DEFB134: variants seen among roughly 807,000 people sequenced by gnomAD.
DEFB134 encodes defensin beta 134, also known as beta-defensin 134.
Under a neutral mutation model 7.4 loss-of-function variants are expected in DEFB134, and 7 were observed. The ratio of observed to expected loss-of-function variants is 0.95; its 90% CI spans 0.54 to 1.79. The LOEUF (loss-of-function observed/expected upper bound fraction) is 1.79, where lower values mean the gene tolerates loss of function less well. Among genes scored for constraint, DEFB134 ranks in the 40% most tolerant of loss-of-function variants. The pLI is 0.00. For synonymous variants in DEFB134, 33 were observed against 25.0 expected (o/e 1.32, Z -0.96); for missense variants, 105 against 74.8 (o/e 1.40, Z -1.49).
exon 2 of DEFB134, chr8:11,993,339 T>C (rs941468848): frequency 8.5e-5 from 13 of 152,234 alleles, no homozygotes; most frequent in African/African-American, 2.9e-4. Context: ...GACGGCAGTC[T>C]TATAGCCTGT....
At position 11,993,814 on chromosome 8, in the gene DEFB134, G is replaced by T. The variant is rs946637185; in HGVS notation, c.*166C>A. 4.5e-6 allele frequency: 4 copies of T among 882,140 alleles called. No individual in the cohort carries two copies. In the East Asian group the frequency reaches 8.7e-5, roughly 19 times the overall value. The allele number at this position is 882,140 out of a possible 1,614,324, so 54.6% of individuals were successfully genotyped here. On this transcript the variant is annotated 3_prime_UTR_variant, in exon 2 of 2. Coordinates refer to ENST00000526438, the Ensembl canonical transcript of DEFB134. ...CTCTTTTAAAGAAGGCTACAGCTCA[G>T]CTCTTTAAATTTAAGACCACAAGAG...
At chr8:11,997,361 T>C (rs1800153595), upstream of DEFB134, among the ~76,000 whole-genome samples, 1 of 152,234 alleles carries the variant, frequency 6.6e-6, no homozygotes, top group East Asian at 1.9e-4. Context: ...CTATTGAAAA[T>C]AAAGCTGCTA....
At chr8:11,994,285 AC>A (rs1022168327) in intron 1 of DEFB134, among the ~76,000 whole-genome samples, 163 bp from the exon 3 acceptor site, 1 of 152,122 alleles carries the variant, frequency 6.6e-6, no homozygotes, top group Non-Finnish European at 1.5e-5. Flanking sequence ...GAATTGTGTC[AC>A]CCCAAAATTC....
exon 2 of DEFB134, chr8:11,993,816 T>G (rs1800042156): frequency 1.1e-6 from 1 of 897,858 alleles, no homozygotes; most frequent in Non-Finnish European, 1.6e-6. Context: ...ACAGCTCAGC[T>G]CTTTAAATTT....
chr8:12,000,272 C>T (rs1430834218), upstream of DEFB134, among the ~76,000 whole-genome samples: 1 of 151,966 alleles, frequency 6.6e-6, no homozygotes, highest in Non-Finnish European at 1.5e-5. Flanking sequence ...GTTACTATAT[C>T]AATTATTTGT....
chr8:11,996,184 C>A lies in DEFB134; in HGVS notation c.58+10G>T. Reference sequence around the variant, plus strand: ...AAGCACCCCTACCCCCCAAAATATGCCAGTTTTACCTGCCAGCACTGGATC... The same window carrying A: ...AAGCACCCCTACCCCCCAAAATATGACAGTTTTACCTGCCAGCACTGGATC... On this transcript the variant is annotated intron_variant, in intron 1 of 1. Transcript: ENST00000526438. The A allele has an allele frequency of 6.2e-7, 1 of 1,613,346 alleles. No individual in the cohort carries two copies. The highest frequency in any genetic ancestry group is 8.5e-7 in the Non-Finnish European group (1 of 1,179,524).
chr8:11,998,452 A>AAAAAAAAT (rs1192272375), upstream of DEFB134, among the ~76,000 whole-genome samples: 31 of 2,112 alleles, frequency 0.015, no homozygotes, highest in African/African-American at 0.066. Context: ...CGCTGTCTTA[A>AAAAAAAAT]AAAAAAAATA....
At chr8:11,997,441 G>C (rs1800156885), upstream of DEFB134, among the ~76,000 whole-genome samples, 1 of 152,178 alleles carries the variant, frequency 6.6e-6, no homozygotes, top group East Asian at 1.9e-4. Context: ...TTCAGGAGTA[G>C]AAAGGCTGGG....
intron 1 of DEFB134, among the ~76,000 whole-genome samples, 157 bp downstream of exon 2, chr8:11,996,037 G>T (rs1053165733): frequency 6.6e-6 from 1 of 151,578 alleles, no homozygotes; most frequent in African/African-American, 2.4e-5. Flanking sequence ...TGGACAGCCA[G>T]ATTCAAGCCC....
At chr8:11,998,641 A>C (rs1800188636), upstream of DEFB134, among the ~76,000 whole-genome samples, 1 of 152,094 alleles carries the variant, frequency 6.6e-6, no homozygotes, top group South Asian at 2.1e-4. Context: ...AGAACTAAAA[A>C]AACAAGAGCA....
At chr8:12,000,388 A>G (rs568187760), upstream of DEFB134, among the ~76,000 whole-genome samples, 6 of 152,328 alleles carry the variant, frequency 3.9e-5, no homozygotes, top group East Asian at 7.7e-4. Flanking sequence ...TGCCAAAGGT[A>G]TATTTGTTGA....
chr8:11,994,489 T>C (rs12542040), intron 1 of DEFB134, among the ~76,000 whole-genome samples: 87,935 of 151,964 alleles, frequency 0.58, 26,009 homozygotes, highest in East Asian at 0.91. Flanking sequence ...GAAAGCAAGC[T>C]CTCATCAGAA....
chr8:11,995,757 A>G (rs1246463806), intron 1 of DEFB134, among the ~76,000 whole-genome samples: 1 of 152,236 alleles, frequency 6.6e-6, no homozygotes, highest in Non-Finnish European at 1.5e-5. Context: ...TTCTTGAATT[A>G]GAGACAAAAT....
upstream of DEFB134, chr8:11,999,237 T>A: frequency 4.9e-6 from 1 of 205,414 alleles, no homozygotes. Context: ...TATGGGAGTA[T>A]AAAGGTCATA....
At chr8:11,993,176 C>A (rs6601645) in exon 2 of DEFB134, 1 of 152,046 alleles carries the variant, frequency 6.6e-6, no homozygotes, top group Non-Finnish European at 1.5e-5. Context: ...AGTCCAAATG[C>A]ATTTAGGCAG....
At chr8:11,997,389 G>C (rs1335436982), upstream of DEFB134, among the ~76,000 whole-genome samples, 1 of 152,146 alleles carries the variant, frequency 6.6e-6, no homozygotes, top group Non-Finnish European at 1.5e-5. Context: ...TCATGTACAA[G>C]TCATGGTATG....
Position 11,994,134 on chromosome 8 carries a change from A to T in DEFB134, c.59-12T>A. On this transcript the variant is annotated splice_polypyrimidine_tract_variant and intron_variant, in intron 1 of 1. Coordinates refer to ENST00000526438, the Ensembl canonical transcript of DEFB134. ...TAATGAATTTATACCTGGAAGGAAA[A>T]TGAATAGAAAGATAATTCACTACAG... 1 of 1,607,582 alleles carries T rather than the reference A, an allele frequency of 6.2e-7. No individual in the cohort carries two copies. Among genetic ancestry groups the T allele is most frequent in the Non-Finnish European group, 8.5e-7 (1 of 1,178,022 alleles).
chr8:11,994,243 G>A, intron 1 of DEFB134, 121 bp from the exon 3 acceptor site: 5 of 1,244,918 alleles, frequency 4.0e-6, no homozygotes, highest in Admixed American at 5.2e-5. Flanking sequence ...AATTGATCCT[G>A]TAACTGAAAA....
chr8:11,996,157 T>A (rs1235715694), intron 1 of DEFB134, 37 bp downstream of exon 2: 1 of 1,611,790 alleles, frequency 6.2e-7, no homozygotes, highest in African/African-American at 1.3e-5. Flanking sequence ...TTCTTCTATA[T>A]GAAGCACCCC....
Sources: allele counts gnomAD v4.1 joint callset (sites outside exome capture counted in the v4.1 genomes callset), GRCh38; gene constraint gnomAD v4.1.1; transcripts MANE v1.5; gene names NCBI Gene and HGNC (gene_info 2026-07-23, HGNC 2026-07-21).